Variants in LTBP1 observed in about 807,000 individuals in gnomAD.
LTBP1 encodes the protein latent transforming growth factor beta binding protein 1.
A neutral mutation model predicts 207.6 loss-of-function variants in LTBP1; 129 were observed. The ratio of observed to expected loss-of-function variants is 0.62; its 90% CI spans 0.54 to 0.72. The LOEUF is 0.72. Ranked by LOEUF, LTBP1 falls within the 30% of genes least tolerant of loss-of-function variation. The pLI, the probability that LTBP1 is intolerant of heterozygous loss-of-function variation, is 0.00. For missense variants in LTBP1, 2,281 were observed against 2,217.2 expected, an observed-to-expected ratio of 1.03 and a Z score of -0.58; for synonymous variants, 963 against 833.7, an observed-to-expected ratio of 1.16 and a Z score of -2.67.
At chr2:33,317,942 C>T (rs2094296178) in intron 24 of LTBP1, 2 of 152,138 alleles carry the variant, frequency 1.3e-5, no homozygotes, top group African/African-American at 4.8e-5. Context: ...ACCACTGGCT[C>T]CTTCCTTTCT....
chr2:33,319,294 A>G (rs955766955), intron 24 of LTBP1, among the ~76,000 whole-genome samples: 1 of 151,782 alleles, frequency 6.6e-6, no homozygotes, highest in Admixed American at 6.6e-5. Context: ...GCTACTCATG[A>G]GGCTGTGGCA....
chr2:33,361,512 A>G lies in LTBP1; in HGVS notation c.4267A>G (p.Lys1423Glu). ...SSSEAGGENY[K>E]DADECLLFGQ... ...TTCTGAAGCTGGTGGTGAGAACTAT[A>G]AAGGTCAGAATCAAGTGGAAACAAA... is the stretch of plus-strand genomic sequence containing the variant. The change falls in exon 28 of 34, where the codon AAA becomes GAA. Residue 1423 changes from lysine to glutamate, a missense_variant. Coordinates refer to ENST00000404816, the MANE Select transcript of LTBP1 (RefSeq NM_206943.4). 1 of 1,611,630 alleles carries G rather than the reference A, an allele frequency of 6.2e-7. No individual in the cohort carries two copies. The highest frequency in any genetic ancestry group is 8.5e-7 in the Non-Finnish European group (1 of 1,178,258).
intron 3 of LTBP1, among the ~76,000 whole-genome samples, chr2:33,060,122 T>C (rs1371486748): frequency 6.6e-6 from 1 of 152,194 alleles, no homozygotes; most frequent in African/African-American, 2.4e-5. Flanking sequence ...AGACTCCATT[T>C]CACTCCCACA....
At chr2:33,359,593 T>G (rs1391359514) in intron 26 of LTBP1, among the ~76,000 whole-genome samples, 1 of 152,236 alleles carries the variant, frequency 6.6e-6, no homozygotes, top group Non-Finnish European at 1.5e-5. Flanking sequence ...AGAGTTCTAG[T>G]GGCAATATTT....
rs867590426 is a variant in LTBP1, at chr2:33,379,181, C to T, written c.4712-10003C>T. 3.2e-4 allele frequency among the ~76,000 whole-genome samples: 45 copies of T among 140,266 alleles called. 1 individual carries two copies. Among genetic ancestry groups the T allele is most frequent in the African/African-American group, 9.6e-4 (37 of 38,440 alleles). The allele number at this position is 140,266 out of a possible 152,430, so 92.0% of individuals were successfully genotyped here. On this transcript the variant is annotated intron_variant, in intron 31 of 33. Transcript: ENST00000404816. Reference sequence around the variant, plus strand: ...TACTAGGTTGGTGCAAAAGTAATTTCAGTTTTTGCCATTGCTTTTTTTTTT... The same window carrying T: ...TACTAGGTTGGTGCAAAAGTAATTTTAGTTTTTGCCATTGCTTTTTTTTTT...
intron 3 of LTBP1, among the ~76,000 whole-genome samples, chr2:33,078,423 A>G (rs430950): frequency 0.75 from 114,630 of 152,138 alleles, 45,417 homozygotes; most frequent in East Asian, 0.98. Flanking sequence ...TGTGCTGTTA[A>G]AAGAGTGAAT....
intron 24 of LTBP1, chr2:33,332,953 G>C (rs2094513979): frequency 6.6e-6 from 1 of 152,316 alleles, no homozygotes; most frequent in South Asian, 2.1e-4. Context: ...AAGCTGAGCA[G>C]GGTCGGGCCT....
intron 5 of LTBP1, 35 bp from the exon 6 acceptor site, chr2:33,186,821 A>C: frequency 3.2e-6 from 5 of 1,551,988 alleles, no homozygotes; most frequent in South Asian, 1.1e-5. Flanking sequence ...CTGAGAGACT[A>C]ACCAACTCTC....
chr2:33,367,220 T>C (rs1383035118), intron 31 of LTBP1, among the ~76,000 whole-genome samples: 5 of 152,208 alleles, frequency 3.3e-5, no homozygotes, highest in African/African-American at 1.2e-4. Flanking sequence ...ATCCCTGAGA[T>C]TGGGGTCATC....
At chr2:33,146,548 A>G (rs948793305) in intron 5 of LTBP1, among the ~76,000 whole-genome samples, 1 of 152,160 alleles carries the variant, frequency 6.6e-6, no homozygotes, top group African/African-American at 2.4e-5. Context: ...GATCACATGT[A>G]TTAGTCCATT....
At chr2:33,324,172 G>T (rs2094395175) in intron 24 of LTBP1, among the ~76,000 whole-genome samples, 1 of 151,910 alleles carries the variant, frequency 6.6e-6, no homozygotes, top group South Asian at 2.1e-4. Context: ...TACTTCATGT[G>T]GTTTTAGTTA....
In LTBP1 at chr2:33,083,126, C is replaced by T. The variant is rs75182661; in HGVS notation, c.864-27456C>T. On this transcript the variant is annotated intron_variant, in intron 3 of 33. Transcript: ENST00000404816. Reference sequence around the variant, plus strand: ...CGTCCTGCTTGCTGCAGGTCTCTTTCTAGTCTGGTGGAACTTGGTAGTTCT... The same window carrying T: ...CGTCCTGCTTGCTGCAGGTCTCTTTTTAGTCTGGTGGAACTTGGTAGTTCT... 6.7e-3 allele frequency among the ~76,000 whole-genome samples: 1,025 copies of T among 151,958 alleles called. 7 individuals are homozygous for T. Among genetic ancestry groups the T allele is most frequent in the Non-Finnish European group, 0.011 (759 of 67,990 alleles).
At chr2:33,166,067 G>GTTTTTTTTTTTT (rs143905437) in intron 5 of LTBP1, among the ~76,000 whole-genome samples, 1 of 140,844 alleles carries the variant, frequency 7.1e-6, no homozygotes, top group African/African-American at 2.6e-5. Flanking sequence ...AGTAATGTAT[G>GTTTTTTTTTTTT]TTTTTTTTTT....
rs562390115 is a variant in LTBP1 at position 32,948,904 on chromosome 2, A to T, written c.524A>T (p.His175Leu). The T allele has an allele frequency of 1.2e-6, 2 of 1,614,162 alleles. No individual in the cohort carries two copies. Among genetic ancestry groups the T allele is most frequent in the South Asian group, 1.1e-5 (1 of 91,078 alleles). ...GVNVCGGRCC[H>L]GWSKAPGSQR... ...AATGTCTGTGGAGGGCGGTGCTGTC[A>T]TGGCTGGAGTAAGGCCCCTGGCTCC... Residue 175 changes from histidine (H) to leucine (L), a missense_variant, in exon 2 of 34, where the codon CAT becomes CTT. This residue lies in a region of LTBP1 where 555 missense variants were observed against 491.0 expected (regional missense o/e 1.13). Transcript: ENST00000404816.
chr2:33,114,358 C>T (rs556568438), intron 4 of LTBP1, among the ~76,000 whole-genome samples: 1 of 152,268 alleles, frequency 6.6e-6, no homozygotes, highest in East Asian at 1.9e-4. Context: ...TGTAAATATC[C>T]TTCTTACCTC....
chr2:33,376,787 G>T (rs1052501808), intron 31 of LTBP1, among the ~76,000 whole-genome samples: 3 of 152,170 alleles, frequency 2.0e-5, no homozygotes, highest in Admixed American at 1.3e-4. Context: ...CTGCCAGCAG[G>T]ATGGGGCTTT....
intron 5 of LTBP1, among the ~76,000 whole-genome samples, chr2:33,169,259 A>G (rs758808112): frequency 4.6e-5 from 7 of 152,084 alleles, no homozygotes; most frequent in Non-Finnish European, 1.0e-4. Context: ...TTTAGCTTGC[A>G]TTCTTCCTCT....
chr2:33,280,022 G>A lies in LTBP1; in HGVS notation c.2993-17G>A. The A allele has an allele frequency of 6.2e-7, 1 of 1,612,978 alleles. No individual in the cohort carries two copies. The highest frequency in any genetic ancestry group is 2.2e-5 in the East Asian group (1 of 44,874). On this transcript the variant is annotated splice_polypyrimidine_tract_variant and intron_variant, in intron 18 of 33. Coordinates refer to ENST00000404816, the MANE Select transcript of LTBP1 (RefSeq NM_206943.4). ...ATTCTGATAAAATGTTCACGACCTAGGTTTTTGATTTTTCAGATATTGATG... is the reference window on the plus strand; with the variant it reads ...ATTCTGATAAAATGTTCACGACCTAAGTTTTTGATTTTTCAGATATTGATG...
At chr2:33,243,460 A>G (rs75867438) in intron 9 of LTBP1, among the ~76,000 whole-genome samples, 8,622 of 152,270 alleles carry the variant, frequency 0.057, 275 homozygotes, top group Middle Eastern at 0.12. Context: ...GGCATGTAGT[A>G]GGTATGTAAT....
Sources: allele counts gnomAD v4.1 joint callset (sites outside exome capture counted in the v4.1 genomes callset), GRCh38; gene constraint gnomAD v4.1.1; regional missense constraint gnomAD v4.1.1; transcripts MANE v1.5; gene names NCBI Gene and HGNC (gene_info 2026-07-23, HGNC 2026-07-21).